Variants in SEPTIN6 observed in about 807,000 individuals in gnomAD.
SEPTIN6 encodes the protein septin-6.
Under a neutral mutation model 33.6 loss-of-function variants are expected in SEPTIN6, and 8 were observed. That is an observed-to-expected ratio of 0.24 (90% confidence interval 0.14 to 0.43). The LOEUF is 0.43. Among genes scored for constraint, SEPTIN6 ranks in the 20% least tolerant of loss-of-function variants. The probability of loss-of-function intolerance (pLI) is 1.00; values close to 1 mark genes in which losing one functional copy is unlikely to be tolerated. For synonymous variants in SEPTIN6, 131 were observed against 140.0 expected (o/e 0.94, Z 0.45); for missense variants, 250 against 340.8 (o/e 0.73, Z 2.10).
chrX:119,630,178 C>T (rs1309243945), intron 8 of SEPTIN6, among the ~76,000 whole-genome samples: 1 of 111,837 alleles, frequency 8.9e-6, no homozygotes, highest in African/African-American at 3.2e-5. Flanking sequence ...TTTTATAAGT[C>T]CTTTATGTAT....
chrX:119,675,618 G>C lies in SEPTIN6; in HGVS notation c.81C>G (p.Ser27Arg). 2.6e-6 allele frequency: 3 copies of C among 1,170,060 alleles called. No homozygotes were observed. The highest frequency in any genetic ancestry group is 3.4e-6 in the Non-Finnish European group (3 of 871,095). The change falls in exon 2 of 11, where the codon AGC (serine) becomes AGG (arginine). Residue 27 changes from serine to arginine, a missense_variant. Ser to Arg is a moderately radical substitution (Grantham distance 110). Around this residue, in one of 2 missense-constraint regions of SEPTIN6, gnomAD observed 111 missense variants for 113.8 expected, o/e 0.98. Coordinates refer to ENST00000394610, the MANE Select transcript of SEPTIN6 (RefSeq NM_145799.4). ...VPLAGHVGFDSLPDQLVNKSV... is the reference protein window; with the variant it reads ...VPLAGHVGFDRLPDQLVNKSV... ...ACTTATTCACCAGCTGGTCAGGCAA[G>C]CTGTCAAACCCCACATGTCCAGCCA...
chrX:119,616,267 A>G, downstream of SEPTIN6: 1 of 293,582 alleles, frequency 3.4e-6, no homozygotes, highest in Non-Finnish European at 6.2e-6. Context: ...TTTCTCTTGC[A>G]TATTCAGAAA....
chrX:119,649,106 C>T (rs1050646600), intron 5 of SEPTIN6, among the ~76,000 whole-genome samples: 3 of 98,175 alleles, frequency 3.1e-5, no homozygotes, highest in Non-Finnish European at 6.1e-5. Context: ...CAAAGCATAA[C>T]GCTGATTTTT....
chrX:119,623,222 G>A (rs1323068166), intron 10 of SEPTIN6, among the ~76,000 whole-genome samples: 1 of 111,890 alleles, frequency 8.9e-6, no homozygotes, highest in African/African-American at 3.2e-5. Flanking sequence ...CAAACCAAAT[G>A]TAAAAGGGCA....
intron 3 of SEPTIN6, among the ~76,000 whole-genome samples, chrX:119,656,835 A>G (rs1301654587): frequency 7.5e-5 from 8 of 106,976 alleles, no homozygotes; most frequent in Non-Finnish European, 1.6e-4. Context: ...GCGGTGAGCC[A>G]AGATTGAGGC....
In SEPTIN6 at chrX:119,630,892, G is replaced by GAA. The variant is rs112337408; in HGVS notation, c.1090-1386_1090-1385dup. On this transcript the variant is annotated intron_variant, in intron 8 of 10. Coordinates refer to ENST00000394610, the MANE Select transcript of SEPTIN6 (RefSeq NM_145799.4). ...TGGGCAAGAGTGAGACTCTGTCTCG[G>GAA]AAAAAAAAAAAAAGAATATTCTGGC... 5.7e-3 allele frequency among the ~76,000 whole-genome samples: 558 copies of GAA among 97,893 alleles called. 9 individuals carry two copies. The highest frequency in any genetic ancestry group is 0.02 in the African/African-American group (527 of 26,586). 85.0% of individuals were successfully genotyped at this position (97,893 alleles called of 115,157 possible). A position where few individuals can be genotyped will look rare whatever the true frequency, so the allele number is the denominator to read the frequency against.
intron 9 of SEPTIN6, among the ~76,000 whole-genome samples, chrX:119,625,779 T>A (rs2053848487): frequency 9.0e-6 from 1 of 111,713 alleles, no homozygotes. Flanking sequence ...CTCAAACTCC[T>A]GGACTCAAGC....
Position 119,638,109 on chromosome X carries a change from G to A in SEPTIN6, c.788-914C>T, listed in dbSNP as rs755768628. ...AAAGTCTCCAAAGAATAAGGGGAAA[G>A]AACTAGGATATTGATAGATGACAGT... On this transcript the variant is annotated intron_variant, in intron 6 of 10. Coordinates refer to ENST00000394610, the MANE Select transcript of SEPTIN6 (RefSeq NM_145799.4). 6.3e-5 allele frequency among the ~76,000 whole-genome samples: 7 copies of A among 111,967 alleles called. No homozygotes were observed. In the East Asian group the frequency reaches 2.0e-3, roughly 32 times the overall value.
chrX:119,642,378 T>C (rs1310328782), intron 5 of SEPTIN6, among the ~76,000 whole-genome samples: 1 of 110,476 alleles, frequency 9.1e-6, no homozygotes, highest in Non-Finnish European at 1.9e-5. Context: ...CATGGCATTG[T>C]CTCACTGAAT....
At chrX:119,636,792 T>G (rs1055339567) in intron 7 of SEPTIN6, among the ~76,000 whole-genome samples, 1 of 111,368 alleles carries the variant, frequency 9.0e-6, no homozygotes, top group Middle Eastern at 4.6e-3. Context: ...TCCCTTGCCC[T>G]TAAAAGCAAG....
intron 1 of SEPTIN6, among the ~76,000 whole-genome samples, chrX:119,690,583 T>C (rs6603542): frequency 0.33 from 34,477 of 105,977 alleles, 5,843 homozygotes; most frequent in African/African-American, 0.65. Flanking sequence ...ACTAGCCAGG[T>C]GTGGTGGCGG....
At chrX:119,631,182 CTTTTTT>C (rs1045034639) in intron 8 of SEPTIN6, among the ~76,000 whole-genome samples, 3 of 94,981 alleles carry the variant, frequency 3.2e-5, no homozygotes, top group African/African-American at 1.2e-4. Flanking sequence ...TTTTTCTTTT[CTTTTTT>C]TTTTTTTTTT....
intron 2 of SEPTIN6, among the ~76,000 whole-genome samples, chrX:119,664,821 A>G (rs1360072690): frequency 1.0e-5 from 1 of 95,882 alleles, no homozygotes; most frequent in African/African-American, 4.1e-5. Context: ...ACCCTGGGCA[A>G]GAGAGTGAGA....
At chrX:119,620,129 T>A in intron 10 of SEPTIN6, 78 bp from the exon 11 acceptor site, 1 of 837,355 alleles carries the variant, frequency 1.2e-6, no homozygotes, top group Non-Finnish European at 1.7e-6. Flanking sequence ...AGAAGAAAAT[T>A]AAGTAATGAG....
downstream of SEPTIN6, chrX:119,616,894 C>T (rs1420963431): frequency 1.8e-6 from 2 of 1,085,984 alleles, no homozygotes; most frequent in Non-Finnish European, 1.2e-6. Context: ...ATTGCTGGGC[C>T]ATCACCACGG....
At chrX:119,629,657 G>C (rs1226868249) in intron 8 of SEPTIN6, 149 bp from the exon 9 acceptor site, 3 of 461,678 alleles carry the variant, frequency 6.5e-6, no homozygotes, top group Non-Finnish European at 1.1e-5. Context: ...TGCTATGATG[G>C]CACCAAAGGC....
chrX:119,661,854 C>T (rs2054552703), intron 3 of SEPTIN6, among the ~76,000 whole-genome samples: 1 of 112,318 alleles, frequency 8.9e-6, no homozygotes, highest in African/African-American at 3.2e-5. Flanking sequence ...TCTCCCGCCT[C>T]AGCCACCTGA....
At chrX:119,643,329 T>C (rs1269158769) in intron 5 of SEPTIN6, among the ~76,000 whole-genome samples, 1 of 109,454 alleles carries the variant, frequency 9.1e-6, no homozygotes, top group Non-Finnish European at 1.9e-5. Context: ...TCCCTCCTCC[T>C]GGGCTCTCAG....
At chrX:119,685,295 G>A (rs765258036) in intron 1 of SEPTIN6, among the ~76,000 whole-genome samples, 4 of 110,733 alleles carry the variant, frequency 3.6e-5, no homozygotes, top group Non-Finnish European at 7.6e-5. Flanking sequence ...GGTTGTTTCT[G>A]TTCCACTTAC....
Sources: allele counts gnomAD v4.1 joint callset (sites outside exome capture counted in the v4.1 genomes callset), GRCh38; gene constraint gnomAD v4.1.1; regional missense constraint gnomAD v4.1.1; transcripts MANE v1.5; gene names NCBI Gene and HGNC (gene_info 2026-07-23, HGNC 2026-07-21).